Variants in PRAMEF20 observed in about 807,000 individuals in gnomAD.
PRAMEF20 encodes the protein PRAME family member 20/21.
Under a neutral mutation model 32.4 loss-of-function variants are expected in PRAMEF20, and 27 were observed. That is an observed-to-expected ratio of 0.83 (90% CI 0.61 to 1.15). The LOEUF (loss-of-function observed/expected upper bound fraction) is 1.15, where lower values mean the gene tolerates loss of function less well. Among genes scored for constraint, PRAMEF20 ranks in the 50% most tolerant of loss-of-function variants. The pLI is 0.00. For missense variants in PRAMEF20, 604 were observed against 584.5 expected, an observed-to-expected ratio of 1.03 and a Z score of -0.34; for synonymous variants, 256 against 235.4, an observed-to-expected ratio of 1.09 and a Z score of -0.80.
intron 2 of PRAMEF20, among the ~76,000 whole-genome samples, chr1:13,419,018 T>C (rs1270557880): frequency 1.3e-5 from 2 of 152,200 alleles, no homozygotes; most frequent in Non-Finnish European, 2.9e-5. Context: ...CCAGGGATGC[T>C]GGCTCATGCC....
chr1:13,418,761 G>A (rs1428870397), intron 2 of PRAMEF20, 61 bp downstream of exon 3: 2 of 1,608,718 alleles, frequency 1.2e-6, no homozygotes, highest in East Asian at 2.2e-5. Context: ...GTTACAGGGG[G>A]CATCTACTGT....
At chr1:13,413,688 G>C (rs1641134934), upstream of PRAMEF20, among the ~76,000 whole-genome samples, 1 of 151,964 alleles carries the variant, frequency 6.6e-6, no homozygotes, top group East Asian at 1.9e-4. Flanking sequence ...ATTGGCAAAG[G>C]GGTGATGTGA....
At chr1:13,417,910 TTGTGTGTG>T (rs71272484) in intron 1 of PRAMEF20, among the ~76,000 whole-genome samples, 2,101 of 124,282 alleles carry the variant, frequency 0.017, 59 homozygotes, top group African/African-American at 0.052. Context: ...CCCGGCTAAT[TTGTGTGTG>T]TGTGTGTGTG....
chr1:13,416,314 T>C, upstream of PRAMEF20: 6 of 1,612,092 alleles, frequency 3.7e-6, no homozygotes, highest in Non-Finnish European at 5.1e-6. Context: ...GCCTTTTCTC[T>C]GGATTTGTCC....
exon 3 of PRAMEF20, chr1:13,420,730 A>C: frequency 6.2e-7 from 1 of 1,613,608 alleles, no homozygotes; most frequent in South Asian, 1.1e-5. Flanking sequence ...TCCTCGCAAT[A>C]ACTAACTGTG....
At chr1:13,418,317 T>C in exon 2 of PRAMEF20, 4 of 1,613,866 alleles carry the variant, frequency 2.5e-6, no homozygotes, top group Non-Finnish European at 3.4e-6. Flanking sequence ...GGACTCTGGA[T>C]GAATACTTCA....
chr1:13,411,892 T>A (rs1375608507), upstream of PRAMEF20, among the ~76,000 whole-genome samples: 1 of 152,192 alleles, frequency 6.6e-6, no homozygotes, highest in Non-Finnish European at 1.5e-5. Flanking sequence ...GACTTGCTTA[T>A]GTCCCAGTGG....
In PRAMEF20 at chr1:13,418,015, C is replaced by T; in HGVS notation, c.288-107C>T. 7 of 1,578,852 alleles carry T rather than the reference C, an allele frequency of 4.4e-6. No individual in the cohort carries two copies. The South Asian group carries it at 8.0e-5, about 18-fold the overall frequency. Reference sequence around the variant, plus strand: ...GTTCTCGATCTCCTGACCTTGTGATCCGCCCGCCTTGGCCTCCCAAAGTGC... The same window carrying T: ...GTTCTCGATCTCCTGACCTTGTGATTCGCCCGCCTTGGCCTCCCAAAGTGC... On this transcript the variant is annotated intron_variant, in intron 1 of 2. Coordinates refer to ENST00000602960, the Ensembl canonical transcript of PRAMEF20.
rs1008614927 is a variant in PRAMEF20, at chr1:13,418,707, A to G, written c.866+7A>G. 11 of 1,613,040 alleles carry G rather than the reference A, an allele frequency of 6.8e-6. 1 individual carries two copies. In the Admixed American group the frequency reaches 8.3e-5, roughly 12 times the overall value. The stretch of plus-strand genomic sequence containing the variant: ...ACCTGGACCAGATGCTCAGGTGAGG[A>G]AGGGTAGTGAGCTTTCTCTGCAGAC... On this transcript the variant is annotated splice_region_variant and intron_variant, in intron 2 of 2. Transcript: ENST00000602960.
chr1:13,416,720 G>A (rs1212381382), intron 1 of PRAMEF20, 79 bp downstream of exon 2: 2 of 1,609,510 alleles, frequency 1.2e-6, no homozygotes, highest in African/African-American at 1.3e-5. Context: ...GGAGTGAGGA[G>A]GTCCAAGGAG....
chr1:13,417,096 C>T (rs1180947291), intron 1 of PRAMEF20, among the ~76,000 whole-genome samples: 1 of 152,088 alleles, frequency 6.6e-6, no homozygotes, highest in Non-Finnish European at 1.5e-5. Flanking sequence ...ATGGCACGGA[C>T]CCAAAGAGTG....
upstream of PRAMEF20, among the ~76,000 whole-genome samples, chr1:13,414,986 G>C (rs1358349175): frequency 6.6e-6 from 1 of 151,038 alleles, no homozygotes; most frequent in East Asian, 1.9e-4. Context: ...TTTTAGTAGA[G>C]ATGAGGTTTC....
At chr1:13,418,092 A>G in intron 1 of PRAMEF20, 30 bp from the exon 3 acceptor site, 1 of 1,611,836 alleles carries the variant, frequency 6.2e-7, no homozygotes, top group Non-Finnish European at 8.5e-7. Flanking sequence ...GAGTCCTTAA[A>G]TTCTCAGCCT....
At chr1:13,411,196 G>C in the PRAMEF20 span, among the ~76,000 whole-genome samples, 1 of 151,784 alleles carries the variant, frequency 6.6e-6, no homozygotes, top group Admixed American at 6.6e-5. Flanking sequence ...GGGCATGGTG[G>C]CATGCATCTG....
chr1:13,415,946 C>A (rs1339737706), upstream of PRAMEF20, among the ~76,000 whole-genome samples: 8 of 152,320 alleles, frequency 5.3e-5, no homozygotes, highest in South Asian at 1.2e-3. Flanking sequence ...TGTTCCCAAC[C>A]AGCTTATTTG....
At chr1:13,419,401 G>A (rs912819833) in intron 2 of PRAMEF20, among the ~76,000 whole-genome samples, 1 of 151,866 alleles carries the variant, frequency 6.6e-6, no homozygotes, top group African/African-American at 2.4e-5. Flanking sequence ...CACCCACTTC[G>A]GCCTCCCAAA....
At chr1:13,416,958 A>G (rs1017657046) in intron 1 of PRAMEF20, among the ~76,000 whole-genome samples, 1 of 152,142 alleles carries the variant, frequency 6.6e-6, no homozygotes, top group African/African-American at 2.4e-5. Context: ...GATCACCTGA[A>G]GTCAGGAGTT....
At chr1:13,420,789 G>C (rs1351581417) in exon 3 of PRAMEF20, 2 of 1,613,868 alleles carry the variant, frequency 1.2e-6, no homozygotes, top group Non-Finnish European at 1.7e-6. Flanking sequence ...CCGAGCATTG[G>C]TCAACTAAAG....
chr1:13,415,200 C>A (rs1321409890), upstream of PRAMEF20, among the ~76,000 whole-genome samples: 3 of 152,108 alleles, frequency 2.0e-5, no homozygotes, highest in African/African-American at 7.2e-5. Flanking sequence ...CTTCCTCAGC[C>A]TCCCAAGTAG....
Sources: gnomAD v4.1 joint callset for allele counts (sites outside exome capture counted in the v4.1 genomes callset) on GRCh38, gnomAD v4.1.1 for gene constraint, MANE v1.5 for transcripts, NCBI Gene and HGNC (gene_info 2026-07-23, HGNC 2026-07-21) for gene names.